XYLT1: variants seen among roughly 807,000 people sequenced by gnomAD.
The protein encoded by XYLT1 is xylosyltransferase 1.
A neutral mutation model predicts 91.3 loss-of-function variants in XYLT1; 36 were observed. The observed-to-expected ratio is 0.39, with a 90% CI of 0.30 to 0.52. The LOEUF (loss-of-function observed/expected upper bound fraction) is 0.52, where lower values mean the gene tolerates loss of function less well. XYLT1 is among the 20% of genes least tolerant of loss of function. The pLI is 0.68. For missense variants in XYLT1, 1,242 were observed against 1,284.5 expected (o/e 0.97, Z 0.51); for synonymous variants, 588 against 532.0 (o/e 1.11, Z -1.45).
intron 2 of XYLT1, among the ~76,000 whole-genome samples, chr16:17,304,054 A>C (rs1191098311): frequency 2.6e-5 from 4 of 152,188 alleles, no homozygotes; most frequent in Non-Finnish European, 5.9e-5. Context: ...TTCATAAGAC[A>C]TCAATTTATG....
At chr16:17,221,845 T>C (rs112250538) in intron 3 of XYLT1, among the ~76,000 whole-genome samples, 4,062 of 152,298 alleles carry the variant, frequency 0.027, 68 homozygotes, top group Admixed American at 0.038. Flanking sequence ...GCCAGGGCAA[T>C]GCTGGGCTCA....
chr16:17,259,487 A>G lies in XYLT1; in HGVS notation c.414T>C (p.Phe138=). 2 of 1,607,218 alleles carry G rather than the reference A, an allele frequency of 1.2e-6. No individual in the cohort carries two copies. Among genetic ancestry groups the G allele is most frequent in the Non-Finnish European group, 1.7e-6 (2 of 1,177,454 alleles). The change falls in exon 3 of 12, where the codon TTT becomes TTC. Residue 138 remains phenylalanine (F), a synonymous_variant. Transcript: ENST00000261381. Reference sequence around the variant, plus strand: ...GCACTTTCTCTTTCGGCCGATGAGAAAAGTAGCCATCCTGGAGAAGAGGGG... The same window carrying G: ...GCACTTTCTCTTTCGGCCGATGAGAGAAGTAGCCATCCTGGAGAAGAGGGG... ...LITLETQDGY[F]SHRPKEKVRT...
At chr16:17,400,977 CTCTT>C (rs544422717) in intron 1 of XYLT1, among the ~76,000 whole-genome samples, 16 of 124,472 alleles carry the variant, frequency 1.3e-4, no homozygotes, top group Admixed American at 8.2e-4. Context: ...GTCTCACTCT[CTCTT>C]TCATACACAC....
intron 10 of XYLT1, among the ~76,000 whole-genome samples, chr16:17,126,671 C>T (rs2030271465): frequency 6.6e-6 from 1 of 152,210 alleles, no homozygotes; most frequent in African/African-American, 2.4e-5. Flanking sequence ...GGTCCCTAAT[C>T]CAGCAGTCAG....
intron 9 of XYLT1, among the ~76,000 whole-genome samples, chr16:17,130,045 G>A (rs1567285508): frequency 6.6e-6 from 1 of 152,194 alleles, no homozygotes; most frequent in Non-Finnish European, 1.5e-5. Context: ...GCTCTTTTGA[G>A]GTCACCATGA....
chr16:17,417,986 C>T (rs1019435221), intron 1 of XYLT1, among the ~76,000 whole-genome samples: 16 of 152,302 alleles, frequency 1.1e-4, no homozygotes, highest in South Asian at 4.1e-4. Flanking sequence ...CTGCCAGGCA[C>T]GTGCATGAGA....
chr16:17,410,097 C>G (rs2036088510), intron 1 of XYLT1, among the ~76,000 whole-genome samples: 1 of 152,158 alleles, frequency 6.6e-6, no homozygotes, highest in East Asian at 1.9e-4. Context: ...CAGGCACAGA[C>G]CCAAATCCTT....
intron 5 of XYLT1, among the ~76,000 whole-genome samples, chr16:17,178,177 C>T (rs574841215): frequency 2.6e-5 from 4 of 152,172 alleles, no homozygotes; most frequent in East Asian, 3.9e-4. Context: ...TCCTCTCGGC[C>T]GCCCCTGGTC....
In XYLT1 at chr16:17,110,888, G is replaced by A. The variant is rs546205574; in HGVS notation, c.2558-1871C>T. On this transcript the variant is annotated intron_variant, in intron 11 of 11. Coordinates refer to ENST00000261381, the MANE Select transcript of XYLT1 (RefSeq NM_022166.4). Reference sequence around the variant, plus strand: ...AAATTCAAACAATTGGGCCAGGCACGATGGCTTACACCTGTAATCCTAGCG... The same window carrying A: ...AAATTCAAACAATTGGGCCAGGCACAATGGCTTACACCTGTAATCCTAGCG... Among the ~76,000 whole-genome samples the A allele has an allele frequency of 4.6e-5, 7 of 152,300 alleles. No individual in the cohort carries two copies. In the South Asian group the frequency reaches 8.3e-4, roughly 18 times the overall value.
chr16:17,272,791 C>T (rs2033916548), intron 2 of XYLT1, among the ~76,000 whole-genome samples: 1 of 152,230 alleles, frequency 6.6e-6, no homozygotes, highest in Non-Finnish European at 1.5e-5. Flanking sequence ...GGTGACACTG[C>T]TTCCCACCAA....
In XYLT1 at chr16:17,410,297, G is replaced by A. The variant is rs190487413; in HGVS notation, c.364-52247C>T. Among the ~76,000 whole-genome samples the A allele has an allele frequency of 1.8e-4, 27 of 152,296 alleles. No homozygotes were observed. The East Asian group carries it at 3.3e-3, about 18-fold the overall frequency. ...GCCTGTTGTAATAGTTTGTTTTCACGTTGCTGATAAAGACACATCCGAGAC... is the reference window on the plus strand; with the variant it reads ...GCCTGTTGTAATAGTTTGTTTTCACATTGCTGATAAAGACACATCCGAGAC... On this transcript the variant is annotated intron_variant, in intron 1 of 11. Transcript: ENST00000261381.
At position 17,312,336 on chromosome 16, in the gene XYLT1, G is replaced by A. The variant is rs555633893; in HGVS notation, c.402+45676C>T. Among the ~76,000 whole-genome samples the A allele has an allele frequency of 3.2e-4, 49 of 152,276 alleles. No individual in the cohort carries two copies. The South Asian group carries it at 8.3e-3, about 26-fold the overall frequency. On this transcript the variant is annotated intron_variant, in intron 2 of 11. Coordinates refer to ENST00000261381, the MANE Select transcript of XYLT1 (RefSeq NM_022166.4). This position sits in a 1 kb window ranked among gnomAD's most constrained non-coding sequence, Gnocchi z 4.4. ...TACCTGTAAGATCCCTGCTGGCATA[G>A]TACTGTGAAGGACTCAATGAAACAT...
At chr16:17,285,130 G>A (rs2034115713) in intron 2 of XYLT1, among the ~76,000 whole-genome samples, 1 of 152,202 alleles carries the variant, frequency 6.6e-6, no homozygotes, top group South Asian at 2.1e-4. Context: ...AGAATGCATT[G>A]CCTGGGTGCT....
At chr16:17,267,093 G>C (rs2033818439) in intron 2 of XYLT1, among the ~76,000 whole-genome samples, 3 of 152,220 alleles carry the variant, frequency 2.0e-5, no homozygotes, top group African/African-American at 7.2e-5. Context: ...TTAATGGGAT[G>C]CAAAACAGCA....
intron 2 of XYLT1, among the ~76,000 whole-genome samples, chr16:17,347,865 A>T (rs999564200): frequency 4.6e-5 from 7 of 152,216 alleles, no homozygotes; most frequent in Non-Finnish European, 8.8e-5. Flanking sequence ...CACAGCCAGG[A>T]GCTGTCACCA....
At chr16:17,260,975 T>A (rs887557549) in intron 2 of XYLT1, among the ~76,000 whole-genome samples, 4 of 152,114 alleles carry the variant, frequency 2.6e-5, no homozygotes, top group African/African-American at 9.7e-5. Context: ...GGCTCACACC[T>A]GTAATCCCAG....
chr16:17,252,353 C>G (rs1238208828), intron 3 of XYLT1, among the ~76,000 whole-genome samples: 1 of 152,138 alleles, frequency 6.6e-6, no homozygotes, highest in Non-Finnish European at 1.5e-5. Context: ...CCCAAGCTGT[C>G]CTTGACTTTC....
chr16:17,346,230 G>A (rs966535972), intron 2 of XYLT1, among the ~76,000 whole-genome samples: 3 of 152,170 alleles, frequency 2.0e-5, no homozygotes, highest in Non-Finnish European at 2.9e-5. Context: ...CTGCCCCCAC[G>A]AGGCCCGTTC....
At chr16:17,220,894 G>A (rs1157249734) in intron 3 of XYLT1, among the ~76,000 whole-genome samples, 1 of 152,168 alleles carries the variant, frequency 6.6e-6, no homozygotes, top group Non-Finnish European at 1.5e-5. Context: ...GCTTGTTTAT[G>A]TCCTTTTCTT....
Sources: gnomAD v4.1 joint callset for allele counts (sites outside exome capture counted in the v4.1 genomes callset) on GRCh38, gnomAD v4.1.1 for gene constraint, Gnocchi (gnomAD v3.1) non-coding constraint, MANE v1.5 for transcripts, NCBI Gene and HGNC (gene_info 2026-07-23, HGNC 2026-07-21) for gene names.